Variants in ADCY2 observed in about 807,000 individuals in gnomAD.
ADCY2 encodes adenylate cyclase 2, also known as adenylate cyclase type 2.
A neutral mutation model predicts 125.2 loss-of-function variants in ADCY2; 31 were observed. The observed-to-expected ratio is 0.25, with a 90% CI of 0.19 to 0.33. ADCY2 has a LOEUF of 0.33. Ranked by LOEUF, ADCY2 falls within the 10% of genes least tolerant of loss-of-function variation. The probability of loss-of-function intolerance (pLI) is 1.00; values close to 1 mark genes in which losing one functional copy is unlikely to be tolerated. For synonymous variants in ADCY2, 512 were observed against 548.4 expected (o/e 0.93, Z 0.93); for missense variants, 904 against 1,418.2 (o/e 0.64, Z 5.82).
chr5:7,588,569 T>C (rs1026217977), intron 3 of ADCY2, among the ~76,000 whole-genome samples: 21 of 152,184 alleles, frequency 1.4e-4, no homozygotes, highest in African/African-American at 4.8e-4. Flanking sequence ...GCCGAGACAA[T>C]ACTTATATTT....
chr5:7,502,153 C>T (rs1270421294), intron 2 of ADCY2, among the ~76,000 whole-genome samples: 1 of 152,096 alleles, frequency 6.6e-6, no homozygotes, highest in African/African-American at 2.4e-5. Context: ...AAGACAGCAA[C>T]AATGGTGAGA....
chr5:7,723,131 G>A (rs780750740), intron 12 of ADCY2, among the ~76,000 whole-genome samples: 1 of 151,844 alleles, frequency 6.6e-6, no homozygotes, highest in Non-Finnish European at 1.5e-5. Flanking sequence ...AATGACACAC[G>A]CTGGGGCCTG....
rs58507866 is a variant in ADCY2 at position 7,673,287 on chromosome 5, A to ATAT, written c.721-17404_721-17403insTAT. Among the ~76,000 whole-genome samples the ATAT allele has an allele frequency of 4.3e-3, 136 of 31,270 alleles. 15 individuals carry two copies. The highest frequency in any genetic ancestry group is 8.6e-3 in the South Asian group (4 of 466). The allele number at this position is 31,270 out of a possible 152,430, so 20.5% of individuals were successfully genotyped here. A position where few individuals can be genotyped will look rare whatever the true frequency, so the allele number is the denominator to read the frequency against. Reference sequence around the variant, plus strand: ...AAAAAAAAATATATATATATATATAAAATTAGCCAGGTGTTGTGGAACATG... The same window carrying ATAT: ...AAAAAAAAATATATATATATATATAATATAATTAGCCAGGTGTTGTGGAACATG... On this transcript the variant is annotated intron_variant, in intron 4 of 24. Transcript: ENST00000338316.
intron 3 of ADCY2, among the ~76,000 whole-genome samples, chr5:7,618,402 A>G (rs1737837443): frequency 6.6e-6 from 1 of 152,190 alleles, no homozygotes; most frequent in East Asian, 1.9e-4. Context: ...TGTGATAGCA[A>G]TGCAACCTTC....
intron 2 of ADCY2, among the ~76,000 whole-genome samples, chr5:7,498,470 G>A (rs546446123): frequency 9.2e-5 from 14 of 151,932 alleles, no homozygotes; most frequent in African/African-American, 3.1e-4. Flanking sequence ...GGATGGTCTC[G>A]ATCTCCTGAC....
intron 14 of ADCY2, among the ~76,000 whole-genome samples, chr5:7,741,908 C>T (rs1742445229): frequency 1.8e-4 from 1 of 5,412 alleles, no homozygotes; most frequent in African/African-American, 3.7e-4. Flanking sequence ...ACTGTATCAC[C>T]TGTTATCATC....
In ADCY2 at chr5:7,414,554, T is replaced by C; in HGVS notation, c.211-19T>C. The stretch of plus-strand genomic sequence containing the variant: ...GTCTCTAAATGGTAACTTTTCCATG[T>C]ATTTTTTTATCTCCTCAGGAAGTTG... On this transcript the variant is annotated intron_variant, in intron 1 of 24. Transcript: ENST00000338316. 2 of 1,588,566 alleles carry C rather than the reference T, an allele frequency of 1.3e-6. No individual in the cohort carries two copies. The highest frequency in any genetic ancestry group is 1.7e-6 in the Non-Finnish European group (2 of 1,168,638).
chr5:7,505,216 A>G (rs183036316), intron 2 of ADCY2, among the ~76,000 whole-genome samples: 80 of 152,286 alleles, frequency 5.3e-4, no homozygotes, highest in African/African-American at 1.9e-3. Flanking sequence ...AAAGCCTGTT[A>G]AGTGTGTAGT....
chr5:7,480,452 G>A (rs1169050649), intron 2 of ADCY2, among the ~76,000 whole-genome samples: 2 of 152,076 alleles, frequency 1.3e-5, no homozygotes, highest in African/African-American at 2.4e-5. Flanking sequence ...TCCTTTGCAG[G>A]GATATGGATG....
At chr5:7,436,061 C>T (rs1039190548) in intron 2 of ADCY2, among the ~76,000 whole-genome samples, 3 of 152,148 alleles carry the variant, frequency 2.0e-5, no homozygotes, top group African/African-American at 7.2e-5. Context: ...TTCTTTGTAA[C>T]TCCAAAATTA....
At chr5:7,477,946 G>A (rs565031654) in intron 2 of ADCY2, among the ~76,000 whole-genome samples, 1 of 152,186 alleles carries the variant, frequency 6.6e-6, no homozygotes, top group African/African-American at 2.4e-5. Context: ...GTGAACCTAG[G>A]GGCATTTACT....
intron 4 of ADCY2, among the ~76,000 whole-genome samples, chr5:7,662,006 T>A (rs1300029873): frequency 6.6e-6 from 1 of 152,194 alleles, no homozygotes; most frequent in Admixed American, 6.5e-5. Context: ...AAGCAAAGTC[T>A]CTTTTGCTGT....
At chr5:7,613,943 A>C (rs2126646617) in intron 3 of ADCY2, among the ~76,000 whole-genome samples, 1 of 152,390 alleles carries the variant, frequency 6.6e-6, no homozygotes, top group Non-Finnish European at 1.5e-5. Flanking sequence ...TTTGAAGAGC[A>C]GGCTTTACGT....
chr5:7,475,619 C>T (rs1367981285), intron 2 of ADCY2, among the ~76,000 whole-genome samples: 6 of 152,058 alleles, frequency 3.9e-5, no homozygotes, highest in African/African-American at 9.7e-5. Context: ...TGACTTCTGG[C>T]GATCCACCCG....
rs151175483 is a variant in ADCY2 at position 7,460,305 on chromosome 5, T to C, written c.408+45535T>C. On this transcript the variant is annotated intron_variant, in intron 2 of 24. Transcript: ENST00000338316. ...GAGCAGTGAGGCAATCACAACTCAC[T>C]GTAACCTTGACTTCCTGGGCTCAAG... Among the ~76,000 whole-genome samples, 758 of 152,208 alleles carry C rather than the reference T, an allele frequency of 5.0e-3. 9 individuals are homozygous for C. Among genetic ancestry groups the C allele is most frequent in the Non-Finnish European group, 5.0e-3 (339 of 68,002 alleles).
chr5:7,784,847 C>T (rs896358026), intron 19 of ADCY2, among the ~76,000 whole-genome samples: 1 of 151,782 alleles, frequency 6.6e-6, no homozygotes, highest in Non-Finnish European at 1.5e-5. Flanking sequence ...CTTGTTTGAA[C>T]TGGGCCTGAA....
chr5:7,483,161 G>A (rs547454534), intron 2 of ADCY2, among the ~76,000 whole-genome samples: 1 of 152,238 alleles, frequency 6.6e-6, no homozygotes, highest in South Asian at 2.1e-4. Flanking sequence ...AGTTAGAAGA[G>A]AAGAATTAGA....
At chr5:7,640,112 T>G (rs148458945) in intron 4 of ADCY2, among the ~76,000 whole-genome samples, 1 of 152,232 alleles carries the variant, frequency 6.6e-6, no homozygotes, top group South Asian at 2.1e-4. Flanking sequence ...GACGACAGTT[T>G]GCAGGATAAT....
chr5:7,403,261 A>C (rs1244484861), intron 1 of ADCY2, among the ~76,000 whole-genome samples: 1 of 152,208 alleles, frequency 6.6e-6, no homozygotes, highest in Non-Finnish European at 1.5e-5. Context: ...AGACTAGTCC[A>C]TTACTAGAAC....
Sources: gnomAD v4.1 joint callset for allele counts (sites outside exome capture counted in the v4.1 genomes callset) on GRCh38, gnomAD v4.1.1 for gene constraint, MANE v1.5 for transcripts, NCBI Gene and HGNC (gene_info 2026-07-23, HGNC 2026-07-21) for gene names.